Variants in ATP2B2 observed in about 807,000 individuals in gnomAD.
ATP2B2 encodes plasma membrane calcium-transporting ATPase 2.
ATP2B2 carries 15 observed loss-of-function variants against 120.0 expected under a neutral mutation model. The ratio of observed to expected loss-of-function variants is 0.12; its 90% CI spans 0.08 to 0.19. The LOEUF (loss-of-function observed/expected upper bound fraction) is 0.19, where lower values mean the gene tolerates loss of function less well. Ranked by LOEUF, ATP2B2 falls within the 10% of genes least tolerant of loss-of-function variation. ATP2B2 has a pLI of 1.00. For missense variants in ATP2B2, 1,045 were observed against 1,719.8 expected, an observed-to-expected ratio of 0.61 and a Z score of 6.94; for synonymous variants, 694 against 700.3, an observed-to-expected ratio of 0.99 and a Z score of 0.14.
chr3:10,338,745 C>G (rs2060197536), intron 21 of ATP2B2: 1 of 318,462 alleles, frequency 3.1e-6, no homozygotes, highest in African/African-American at 2.2e-5. Context: ...GTTTTCCTAG[C>G]TGTAAAGTGG....
At chr3:10,517,289 C>T (rs1169840424) in intron 3 of ATP2B2, among the ~76,000 whole-genome samples, 1 of 152,200 alleles carries the variant, frequency 6.6e-6, no homozygotes, top group African/African-American at 2.4e-5. Flanking sequence ...ATGCATCTCG[C>T]CTCGGCCACC....
In ATP2B2 at chr3:10,649,487, A is replaced by G. The variant is rs570609077; in HGVS notation, c.-459-29526T>C. Among the ~76,000 whole-genome samples the G allele has an allele frequency of 1.3e-4, 20 of 151,924 alleles. No homozygotes were observed. In the South Asian group the frequency reaches 4.2e-3, roughly 32 times the overall value. On this transcript the variant is annotated intron_variant, in intron 1 of 21. Transcript: ENST00000646379. ...CTGATCCAGCTCTACTGGGTGACAA[A>G]CTCTCTTCCAGCACAGGCCTTTTGC...
At chr3:10,466,295 C>A (rs1410187402) in intron 1 of ATP2B2, among the ~76,000 whole-genome samples, 1 of 152,218 alleles carries the variant, frequency 6.6e-6, no homozygotes, top group Non-Finnish European at 1.5e-5. Context: ...CTCTTGTCCA[C>A]TGAAGTTCAT....
intron 17 of ATP2B2, 114 bp from the exon 18 acceptor site, chr3:10,345,689 C>T (rs1008864940): frequency 1.0e-6 from 1 of 1,000,456 alleles, no homozygotes; most frequent in African/African-American, 1.6e-5. Flanking sequence ...CCAGTGGGCC[C>T]AGCACAGCCA....
intron 1 of ATP2B2, among the ~76,000 whole-genome samples, chr3:10,486,348 T>TGTG (rs2065666914): frequency 6.6e-6 from 1 of 151,952 alleles, no homozygotes; most frequent in Non-Finnish European, 1.5e-5. Context: ...TGTGTGTGTG[T>TGTG]GTGTGTGTGT....
At chr3:10,357,393 T>C (rs1209333803) in intron 14 of ATP2B2, among the ~76,000 whole-genome samples, 1 of 152,150 alleles carries the variant, frequency 6.6e-6, no homozygotes, top group African/African-American at 2.4e-5. Flanking sequence ...AGCTCACACT[T>C]TGAACCCTCT....
intron 2 of ATP2B2, among the ~76,000 whole-genome samples, chr3:10,603,758 C>A (rs1473791137): frequency 1.3e-5 from 2 of 152,070 alleles, no homozygotes; most frequent in Non-Finnish European, 2.9e-5. Context: ...GATCTTCGTT[C>A]TGGCATTACA....
At chr3:10,521,331 G>C (rs2066980977) in intron 3 of ATP2B2, among the ~76,000 whole-genome samples, 1 of 152,256 alleles carries the variant, frequency 6.6e-6, no homozygotes. Flanking sequence ...TCAAGTAACA[G>C]TGAAGAGTTT....
At chr3:10,491,121 G>A (rs1267702896) in intron 1 of ATP2B2, among the ~76,000 whole-genome samples, 2 of 152,060 alleles carry the variant, frequency 1.3e-5, no homozygotes, top group African/African-American at 2.4e-5. Flanking sequence ...GGGCAACAAT[G>A]CATCCTACTG....
intron 1 of ATP2B2, among the ~76,000 whole-genome samples, chr3:10,660,747 A>G (rs2070758036): frequency 1.3e-5 from 2 of 152,258 alleles, no homozygotes; most frequent in Admixed American, 6.5e-5. Context: ...AACTAATTTT[A>G]TGAGGCCAGC....
chr3:10,464,866 G>A (rs545299726), intron 1 of ATP2B2, among the ~76,000 whole-genome samples: 141 of 152,340 alleles, frequency 9.3e-4, no homozygotes, highest in African/African-American at 3.2e-3. Context: ...GGAAGGCTCT[G>A]GTGCAAGGCC....
chr3:10,605,028 A>C (rs1283946383), intron 2 of ATP2B2, among the ~76,000 whole-genome samples: 1 of 152,242 alleles, frequency 6.6e-6, no homozygotes, highest in Non-Finnish European at 1.5e-5. Context: ...AATATGCCAC[A>C]GCCTTCTGTG....
In ATP2B2 at chr3:10,495,968, C is replaced by T. The variant is rs796426717; in HGVS notation, c.-320+9497G>A. Among the ~76,000 whole-genome samples the T allele has an allele frequency of 3.9e-5, 6 of 152,348 alleles. 1 individual carries two copies. The highest frequency in any genetic ancestry group is 1.4e-4 in the African/African-American group (6 of 41,580). On this transcript the variant is annotated intron_variant, in intron 1 of 22. Transcript: ENST00000360273. ...TCTGGAGCTGATTCATCTCTGAGCTCAGCAAGGAGCCCGACAAACAGCCTG... is the reference window on the plus strand; with the variant it reads ...TCTGGAGCTGATTCATCTCTGAGCTTAGCAAGGAGCCCGACAAACAGCCTG...
chr3:10,521,641 C>T (rs1000851659), intron 3 of ATP2B2, among the ~76,000 whole-genome samples: 9 of 152,238 alleles, frequency 5.9e-5, no homozygotes, highest in Non-Finnish European at 1.3e-4. Flanking sequence ...TGAAATGTCA[C>T]TCTTTAGAGA....
chr3:10,412,985 C>T (rs1004546090), intron 2 of ATP2B2, among the ~76,000 whole-genome samples: 5 of 152,336 alleles, frequency 3.3e-5, no homozygotes, highest in Non-Finnish European at 4.4e-5. Flanking sequence ...CTGTGAACAG[C>T]ACTAGCAGCA....
At chr3:10,429,496 C>T (rs375317521) in intron 2 of ATP2B2, among the ~76,000 whole-genome samples, 53 of 152,174 alleles carry the variant, frequency 3.5e-4, no homozygotes, top group African/African-American at 1.2e-3. Flanking sequence ...CTATTGTAAC[C>T]GTTTTGGGGC....
chr3:10,490,620 A>G (rs1416176013), intron 1 of ATP2B2, among the ~76,000 whole-genome samples: 3 of 152,048 alleles, frequency 2.0e-5, no homozygotes, highest in African/African-American at 7.3e-5. Flanking sequence ...GCTGGTCTCG[A>G]GCTCCTGGCC....
At chr3:10,517,209 T>G (rs924975410) in intron 3 of ATP2B2, among the ~76,000 whole-genome samples, 2 of 152,164 alleles carry the variant, frequency 1.3e-5, no homozygotes, top group African/African-American at 4.8e-5. Flanking sequence ...CCTAACCAGG[T>G]CGACTGGGTC....
intron 5 of ATP2B2, among the ~76,000 whole-genome samples, chr3:10,393,787 T>C (rs1281095239): frequency 6.6e-6 from 1 of 152,194 alleles, no homozygotes; most frequent in African/African-American, 2.4e-5. Context: ...GTGGAGGGGA[T>C]GTTCCTTGGT....
Sources: allele counts gnomAD v4.1 joint callset (sites outside exome capture counted in the v4.1 genomes callset), GRCh38; gene constraint gnomAD v4.1.1; transcripts MANE v1.5; gene names NCBI Gene and HGNC (gene_info 2026-07-23, HGNC 2026-07-21).